The following VOPP1 variants were observed in gnomAD, a reference collection of about 807,000 sequenced individuals.
VOPP1 encodes the protein VOPP1 WW domain binding protein.
VOPP1 carries 8 observed loss-of-function variants against 23.5 expected under a neutral mutation model. The observed-to-expected ratio is 0.34, with a 90% CI of 0.20 to 0.61. The LOEUF (loss-of-function observed/expected upper bound fraction) is 0.61. Ranked by LOEUF, VOPP1 falls within the 20% of genes least tolerant of loss-of-function variation. The probability of loss-of-function intolerance (pLI) is 0.78; values close to 1 mark genes in which losing one functional copy is unlikely to be tolerated. For missense variants in VOPP1, 174 were observed against 238.1 expected (o/e 0.73, Z 1.77); for synonymous variants, 83 against 97.3 (o/e 0.85, Z 0.86).
At chr7:55,453,640 C>T (rs1175003934) in intron 4 of VOPP1, among the ~76,000 whole-genome samples, 1 of 152,114 alleles carries the variant, frequency 6.6e-6, no homozygotes, top group Non-Finnish European at 1.5e-5. Flanking sequence ...CCCTATAGTA[C>T]AACACTAACA....
At chr7:55,539,711 C>G (rs2129050311) in intron 1 of VOPP1, 1 of 152,318 alleles carries the variant, frequency 6.6e-6, no homozygotes, top group East Asian at 1.9e-4. Context: ...AGGTGGCATG[C>G]TGAAGGGAGA....
At chr7:55,511,036 G>C (rs1314353094) in intron 2 of VOPP1, among the ~76,000 whole-genome samples, 1 of 152,172 alleles carries the variant, frequency 6.6e-6, no homozygotes, top group African/African-American at 2.4e-5. Context: ...ATGACCTTGA[G>C]AGCAACCCCA....
rs568715968 is a variant in VOPP1 at position 55,525,420 on chromosome 7, C to T, written c.55-4290G>A. 8.0e-5 allele frequency among the ~76,000 whole-genome samples: 12 copies of T among 150,662 alleles called. No homozygotes were observed. The South Asian group carries it at 2.3e-3, about 29-fold the overall frequency. On this transcript the variant is annotated intron_variant, in intron 1 of 4. Transcript: ENST00000285279. ...AGGAGAATGGCGTGAACTCGGGAGG[C>T]GGAGCTTGCAGTGAGCCGAGATTGC...
chr7:55,470,536 C>G (rs1223276231), downstream of VOPP1: 1 of 152,254 alleles, frequency 6.6e-6, no homozygotes, highest in East Asian at 1.9e-4. Flanking sequence ...AACCAAGGAT[C>G]TGCTGTACAC....
Position 55,439,163 on chromosome 7 carries a change from T to TA in VOPP1, n.418-2990dup, listed in dbSNP as rs1395311060. Among the ~76,000 whole-genome samples, 22 of 152,062 alleles carry TA rather than the reference T, an allele frequency of 1.4e-4. No homozygotes were observed. The East Asian group carries it at 4.3e-3, about 29-fold the overall frequency. ...CGATGTTATTTAAAGGCAGGAGACCTATAAGGTTACCAGGGAAGTGAGGGA... is the reference window on the plus strand; with the variant it reads ...CGATGTTATTTAAAGGCAGGAGACCTAATAAGGTTACCAGGGAAGTGAGGGA... On this transcript the variant is annotated intron_variant and non_coding_transcript_variant, in intron 4 of 4. Coordinates refer to the VOPP1 transcript ENST00000462326.
intron 2 of VOPP1, among the ~76,000 whole-genome samples, chr7:55,508,377 TTCACA>T (rs1468237568): frequency 6.6e-6 from 1 of 152,178 alleles, no homozygotes; most frequent in Non-Finnish European, 1.5e-5. Flanking sequence ...AAGTGATCCC[TTCACA>T]TCAGCCTCCC....
intron 1 of VOPP1, among the ~76,000 whole-genome samples, chr7:55,531,742 T>C (rs1355622824): frequency 6.6e-6 from 1 of 152,216 alleles, no homozygotes; most frequent in Non-Finnish European, 1.5e-5. Context: ...TCCTAGTCTA[T>C]GATTTGGGCA....
chr7:55,488,363 T>C (rs1417689424), intron 4 of VOPP1, among the ~76,000 whole-genome samples: 1 of 152,158 alleles, frequency 6.6e-6, no homozygotes, highest in African/African-American at 2.4e-5. Flanking sequence ...CTTTCCAGCC[T>C]CTGCACAACC....
intron 4 of VOPP1, among the ~76,000 whole-genome samples, chr7:55,482,204 G>A (rs574770390): frequency 3.5e-4 from 54 of 152,242 alleles, no homozygotes; most frequent in African/African-American, 1.1e-3. Context: ...TGATAAGCGG[G>A]AGGAAGGGAA....
rs528495472 is a variant in VOPP1 at position 55,471,358 on chromosome 7, G to A, written c.*1497C>T. Reference sequence around the variant, plus strand: ...CACAAAATTCCCCAGGAGGTTCTCCGATTAAATGTCCTCAGAGTGAAAAGC... The same window carrying A: ...CACAAAATTCCCCAGGAGGTTCTCCAATTAAATGTCCTCAGAGTGAAAAGC... On this transcript the variant is annotated 3_prime_UTR_variant, in exon 5 of 5. Coordinates refer to ENST00000285279, the MANE Select transcript of VOPP1 (RefSeq NM_030796.5). 54 of 151,844 alleles carry A rather than the reference G, an allele frequency of 3.6e-4. No individual in the cohort carries two copies. The highest frequency in any genetic ancestry group is 2.8e-3 in the Admixed American group (43 of 15,236). The allele number at this position is 151,844 out of a possible 1,614,324, so 9.4% of individuals were successfully genotyped here.
At chr7:55,515,273 T>A (rs756755540) in intron 2 of VOPP1, among the ~76,000 whole-genome samples, 2 of 152,072 alleles carry the variant, frequency 1.3e-5, no homozygotes, top group Non-Finnish European at 2.9e-5. Flanking sequence ...GGTGGTGGTG[T>A]CCATTCAGGC....
chr7:55,441,107 TCTA>T (rs1177561544), intron 4 of VOPP1, among the ~76,000 whole-genome samples: 1 of 152,224 alleles, frequency 6.6e-6, no homozygotes, highest in African/African-American at 2.4e-5. Flanking sequence ...ATTTTCTGTT[TCTA>T]AGACCCCATA....
At chr7:55,530,581 A>C (rs1202041874) in intron 1 of VOPP1, among the ~76,000 whole-genome samples, 1 of 152,212 alleles carries the variant, frequency 6.6e-6, no homozygotes, top group African/African-American at 2.4e-5. Flanking sequence ...GTTGGTTTCC[A>C]AAGTCTGTGT....
At chr7:55,450,983 CTT>C (rs1390327931) in intron 4 of VOPP1, among the ~76,000 whole-genome samples, 1 of 152,256 alleles carries the variant, frequency 6.6e-6, no homozygotes, top group East Asian at 1.9e-4. Flanking sequence ...TCATTATACT[CTT>C]GAGACCTGCA....
At chr7:55,529,483 G>A (rs924657166) in intron 1 of VOPP1, among the ~76,000 whole-genome samples, 17 of 151,876 alleles carry the variant, frequency 1.1e-4, no homozygotes, top group South Asian at 2.1e-4. Flanking sequence ...GAACAAAAGC[G>A]TTCTGAAAAC....
At chr7:55,563,872 T>C (rs1214661784) in intron 1 of VOPP1, among the ~76,000 whole-genome samples, 1 of 152,190 alleles carries the variant, frequency 6.6e-6, no homozygotes, top group Admixed American at 6.5e-5. Context: ...ATATAGCTTT[T>C]GAAAATTCCC....
At chr7:55,449,491 CGGGGTG>C (rs1406890126) in intron 4 of VOPP1, among the ~76,000 whole-genome samples, 4 of 152,224 alleles carry the variant, frequency 2.6e-5, no homozygotes, top group African/African-American at 9.6e-5. Context: ...TGCACTACGC[CGGGGTG>C]GGGGGCCGGT....
intron 1 of VOPP1, among the ~76,000 whole-genome samples, chr7:55,545,428 C>T (rs1205891769): frequency 6.6e-6 from 1 of 152,174 alleles, no homozygotes; most frequent in East Asian, 1.9e-4. Flanking sequence ...CAGCCCCAGA[C>T]AAAGCAGCAC....
In VOPP1 at chr7:55,572,422, G is replaced by C. The variant is rs1798399787; in HGVS notation, c.-98C>G. On this transcript the variant is annotated 5_prime_UTR_variant, in exon 1 of 5. Coordinates refer to ENST00000285279, the MANE Select transcript of VOPP1 (RefSeq NM_030796.5). The stretch of plus-strand genomic sequence containing the variant: ...GGGCGGGCGGGCAGACTGCAGCCGG[G>C]AGCCGTCCCGCCGACCGCTGGGGGG... 1.1e-5 allele frequency: 10 copies of C among 878,770 alleles called. No individual in the cohort carries two copies. The highest frequency in any genetic ancestry group is 1.8e-5 in the African/African-American group (1 of 55,328). 54.4% of individuals were successfully genotyped at this position (878,770 alleles called of 1,614,324 possible).
Sources: allele counts gnomAD v4.1 joint callset (sites outside exome capture counted in the v4.1 genomes callset), GRCh38; gene constraint gnomAD v4.1.1; transcripts MANE v1.5; gene names NCBI Gene and HGNC (gene_info 2026-07-23, HGNC 2026-07-21).